The following ARHGEF10L variants were observed in gnomAD, a reference collection of about 807,000 sequenced individuals.
ARHGEF10L encodes the protein Rho guanine nucleotide exchange factor 10 like.
ARHGEF10L carries 69 observed loss-of-function variants against 141.2 expected under a neutral mutation model. That is an observed-to-expected ratio of 0.49 (90% CI 0.40 to 0.60). The LOEUF (loss-of-function observed/expected upper bound fraction) is 0.60. Ranked by LOEUF, ARHGEF10L falls within the 20% of genes least tolerant of loss-of-function variation. ARHGEF10L has a pLI of 0.00. For synonymous variants in ARHGEF10L, 711 were observed against 718.5 expected, an observed-to-expected ratio of 0.99 and a Z score of 0.17; for missense variants, 1,482 against 1,734.3, an observed-to-expected ratio of 0.85 and a Z score of 2.58.
At chr1:17,564,330 C>G (rs1285131201) in intron 1 of ARHGEF10L, among the ~76,000 whole-genome samples, 1 of 152,192 alleles carries the variant, frequency 6.6e-6, no homozygotes, top group Non-Finnish European at 1.5e-5. Context: ...TGGAGGGGGG[C>G]TGCTTTGAGA....
intron 1 of ARHGEF10L, among the ~76,000 whole-genome samples, chr1:17,555,423 C>T (rs2077269350): frequency 6.6e-6 from 1 of 151,560 alleles, no homozygotes; most frequent in Non-Finnish European, 1.5e-5. Context: ...AGTGTAATGG[C>T]ATGATCTCAG....
chr1:17,522,110 C>T, the ARHGEF10L span, among the ~76,000 whole-genome samples: 82,789 of 151,674 alleles, frequency 0.55, 23,195 homozygotes, highest in East Asian at 0.75. Flanking sequence ...TGGAGTGTCC[C>T]GGGCAAAGGA....
intron 25 of ARHGEF10L, among the ~76,000 whole-genome samples, chr1:17,658,614 T>TACAC (rs1557958932): frequency 1.3e-5 from 2 of 152,042 alleles, no homozygotes; most frequent in Non-Finnish European, 2.9e-5. Context: ...AACATGTGTG[T>TACAC]ACCAAACGCT....
intron 4 of ARHGEF10L, among the ~76,000 whole-genome samples, chr1:17,597,274 T>G (rs1357335462): frequency 6.6e-6 from 1 of 151,990 alleles, no homozygotes; most frequent in Non-Finnish European, 1.5e-5. Flanking sequence ...CTCTTACTGG[T>G]TTTTATGGCT....
At position 17,627,623 on chromosome 1, in the gene ARHGEF10L, T is replaced by G; in HGVS notation, c.1584+120T>G. 7.9e-7 allele frequency: 1 copy of G among 1,264,856 alleles called. No individual in the cohort carries two copies. The highest frequency in any genetic ancestry group is 1.1e-6 in the Non-Finnish European group (1 of 923,740). 78.4% of individuals were successfully genotyped at this position (1,264,856 alleles called of 1,614,324 possible). ...AGTGTTCTCTGAGGGAGGGGAGGCC[T>G]TGCTCTTCCAAGGATGTGACCTTGG... On this transcript the variant is annotated intron_variant, in intron 15 of 28. Coordinates refer to ENST00000361221, the MANE Select transcript of ARHGEF10L (RefSeq NM_018125.4). The surrounding 1 kb of genome is among the most constrained non-coding windows in gnomAD (Gnocchi z 4.0).
rs968301245 is a variant in ARHGEF10L, at chr1:17,603,222, C to G, written c.350-286C>G. On this transcript the variant is annotated intron_variant, in intron 5 of 28. Transcript: ENST00000361221. This position sits in a 1 kb window ranked among gnomAD's most constrained non-coding sequence, Gnocchi z 4.8. Reference sequence around the variant, plus strand: ...ACTGCGTCATGCTCCCTGCAGGGGCCGGGAGCAGCTGTCCATTAGCCAGAT... The same window carrying G: ...ACTGCGTCATGCTCCCTGCAGGGGCGGGGAGCAGCTGTCCATTAGCCAGAT... Among the ~76,000 whole-genome samples the G allele has an allele frequency of 6.7e-6, 1 of 148,994 alleles. No homozygotes were observed. Among genetic ancestry groups the G allele is most frequent in the African/African-American group, 2.5e-5 (1 of 40,154 alleles).
the ARHGEF10L span, among the ~76,000 whole-genome samples, chr1:17,514,544 A>G: frequency 4.9e-3 from 742 of 152,274 alleles, 5 homozygotes; most frequent in African/African-American, 0.016. Flanking sequence ...TGGGAGTGGA[A>G]CATGCTTCTC....
At chr1:17,618,344 C>T in intron 9 of ARHGEF10L, 1 of 1,534,490 alleles carries the variant, frequency 6.5e-7, no homozygotes. Flanking sequence ...GCTCGAATCA[C>T]AGGCCAAGAA....
rs767017086 is a variant in ARHGEF10L at position 17,673,869 on chromosome 1, C to T, written c.3009+9274C>T. 5.3e-5 allele frequency among the ~76,000 whole-genome samples: 8 copies of T among 152,150 alleles called. No individual in the cohort carries two copies. Among genetic ancestry groups the T allele is most frequent in the African/African-American group, 9.7e-5 (4 of 41,408 alleles). On this transcript the variant is annotated intron_variant, in intron 26 of 28. Transcript: ENST00000361221. This position sits in a 1 kb window ranked among gnomAD's most constrained non-coding sequence, Gnocchi z 4.1. ...CTGTGCCTGGTGGGAGGAAGCACCA[C>T]GTGTCAGTTGTTGTGTCATTGTGGT...
rs1455606236 is a variant in ARHGEF10L, at chr1:17,556,278, G to A, written c.-44+16328G>A. Among the ~76,000 whole-genome samples the A allele has an allele frequency of 2.8e-4, 32 of 114,768 alleles. 1 individual carries two copies. Among genetic ancestry groups the A allele is most frequent in the Non-Finnish European group, 4.2e-4 (22 of 51,944 alleles). The allele number at this position is 114,768 out of a possible 152,430, so 75.3% of individuals were successfully genotyped here. On this transcript the variant is annotated intron_variant, in intron 1 of 28. Transcript: ENST00000361221. ...GGGCCTGGGAGCATGGCGGCGGGGG[G>A]GGGGCCTGGGAGCACAGGGCGGGCC...
At chr1:17,556,792 C>T (rs767190730) in intron 1 of ARHGEF10L, among the ~76,000 whole-genome samples, 13 of 152,138 alleles carry the variant, frequency 8.5e-5, no homozygotes, top group African/African-American at 1.4e-4. Flanking sequence ...AAGAAGCCTC[C>T]CGTTCACTCA....
At chr1:17,546,304 C>G (rs1338288791) in intron 1 of ARHGEF10L, among the ~76,000 whole-genome samples, 1 of 152,188 alleles carries the variant, frequency 6.6e-6, no homozygotes, top group Non-Finnish European at 1.5e-5. Flanking sequence ...TGTTCTCCCC[C>G]CATTGCTAAT....
chr1:17,661,934 TCAGA>T (rs2062657203), intron 25 of ARHGEF10L, among the ~76,000 whole-genome samples: 1 of 151,352 alleles, frequency 6.6e-6, no homozygotes, highest in South Asian at 2.1e-4. Context: ...AGGCCCAGAG[TCAGA>T]CAGAGCCGAG....
At chr1:17,514,440 A>C in the ARHGEF10L span, among the ~76,000 whole-genome samples, 1 of 152,134 alleles carries the variant, frequency 6.6e-6, no homozygotes, top group Non-Finnish European at 1.5e-5. Context: ...CTGACTTGCC[A>C]GTTCCAAATT....
At chr1:17,605,485 C>T (rs904030078) in intron 6 of ARHGEF10L, among the ~76,000 whole-genome samples, 9 of 152,182 alleles carry the variant, frequency 5.9e-5, no homozygotes, top group African/African-American at 2.2e-4. Context: ...GGAGTTGGCC[C>T]TCGGGCTGCA....
At chr1:17,647,039 C>T (rs929964233) in intron 21 of ARHGEF10L, among the ~76,000 whole-genome samples, 4 of 151,980 alleles carry the variant, frequency 2.6e-5, no homozygotes, top group Non-Finnish European at 4.4e-5. Context: ...GTGTGGCTGG[C>T]GGGAACTCTC....
At chr1:17,554,257 A>G (rs1388886318) in intron 1 of ARHGEF10L, among the ~76,000 whole-genome samples, 1 of 152,190 alleles carries the variant, frequency 6.6e-6, no homozygotes, top group Admixed American at 6.5e-5. Flanking sequence ...GCAGGGAGGA[A>G]CAGTGCTTAG....
intron 21 of ARHGEF10L, among the ~76,000 whole-genome samples, chr1:17,645,703 C>T (rs969031096): frequency 1.3e-5 from 2 of 152,356 alleles, no homozygotes; most frequent in Non-Finnish European, 1.5e-5. Context: ...GCTAGGAGAG[C>T]CGTGCTGCCC....
rs572591639 is a variant in ARHGEF10L, at chr1:17,592,879, A to G, written c.257+4400A>G. On this transcript the variant is annotated intron_variant, in intron 4 of 28. Transcript: ENST00000361221. Reference sequence around the variant, plus strand: ...CGGCTCTCCGCCCATGGAGTCCCCCATGGGAGGGTTATGGGGACCAGGTCT... The same window carrying G: ...CGGCTCTCCGCCCATGGAGTCCCCCGTGGGAGGGTTATGGGGACCAGGTCT... Among the ~76,000 whole-genome samples, 231 of 152,178 alleles carry G rather than the reference A, an allele frequency of 1.5e-3. 1 individual carries two copies. Among genetic ancestry groups the G allele is most frequent in the African/African-American group, 5.4e-3 (226 of 41,540 alleles).
Sources: gnomAD v4.1 joint callset for allele counts (sites outside exome capture counted in the v4.1 genomes callset) on GRCh38, gnomAD v4.1.1 for gene constraint, Gnocchi (gnomAD v3.1) non-coding constraint, MANE v1.5 for transcripts, NCBI Gene and HGNC (gene_info 2026-07-23, HGNC 2026-07-21) for gene names.